Variants in MLX observed in about 807,000 individuals in gnomAD.
The protein encoded by MLX is MAX dimerization protein MLX.
MLX carries 15 observed loss-of-function variants against 33.0 expected under a neutral mutation model. The ratio of observed to expected loss-of-function variants is 0.45; its 90% CI spans 0.30 to 0.70. The LOEUF is 0.70. Among genes scored for constraint, MLX ranks in the 30% least tolerant of loss-of-function variants. MLX has a pLI of 0.07. For synonymous variants in MLX, 115 were observed against 115.6 expected, an observed-to-expected ratio of 0.99 and a Z score of 0.03; for missense variants, 285 against 306.3, an observed-to-expected ratio of 0.93 and a Z score of 0.52.
Position 42,567,937 on chromosome 17 carries a change from A to AGG in MLX, c.79+287_79+288dup. The stretch of plus-strand genomic sequence containing the variant: ...ACGTCCACATGCCCGTTTGTGAGCC[A>AGG]GGGGGGTATCATGCAGGCCTATGGA... On this transcript the variant is annotated intron_variant, in intron 2 of 7. Transcript: ENST00000435881. The AGG allele has an allele frequency of 7.3e-6, 4 of 545,854 alleles. 1 individual carries two copies. The highest frequency in any genetic ancestry group is 1.3e-5 in the Non-Finnish European group (4 of 303,228). 33.8% of individuals were successfully genotyped at this position (545,854 alleles called of 1,614,324 possible). A position where few individuals can be genotyped will look rare whatever the true frequency, so the allele number is the denominator to read the frequency against.
chr17:42,571,740 C>T lies in MLX; in HGVS notation c.*137C>T, dbSNP rs1382691850. On this transcript the variant is annotated 3_prime_UTR_variant, in exon 8 of 8. Coordinates refer to ENST00000435881, the MANE Select transcript of MLX (RefSeq NM_198204.2). Reference sequence around the variant, plus strand: ...GGTTTCTACTTGGTGTTTGGTTTTTCCCAGCCCCATTTTATCTTCAGCGGA... The same window carrying T: ...GGTTTCTACTTGGTGTTTGGTTTTTTCCAGCCCCATTTTATCTTCAGCGGA... 3.7e-6 allele frequency: 3 copies of T among 814,530 alleles called. No individual in the cohort carries two copies. The Admixed American group carries it at 6.4e-5, about 17-fold the overall frequency. 50.5% of individuals were successfully genotyped at this position (814,530 alleles called of 1,614,324 possible). A position where few individuals can be genotyped will look rare whatever the true frequency, so the allele number is the denominator to read the frequency against.
In MLX at chr17:42,568,819, C is replaced by T. The variant is rs376076154; in HGVS notation, c.170-18C>T. 1.9e-6 allele frequency: 3 copies of T among 1,585,666 alleles called. No homozygotes were observed. The highest frequency in any genetic ancestry group is 1.1e-5 in the South Asian group (1 of 88,316). On this transcript the variant is annotated intron_variant, in intron 3 of 7. Transcript: ENST00000435881. ...GGGCCCCAAGATGACCTTTCCCTGCCCCCATCTCTGAGCGTAGATGATGAG... is the reference window on the plus strand; with the variant it reads ...GGGCCCCAAGATGACCTTTCCCTGCTCCCATCTCTGAGCGTAGATGATGAG...
chr17:42,567,445 T>C, intron 1 of MLX, 174 bp from the exon 2 acceptor site: 1 of 1,383,208 alleles, frequency 7.2e-7, no homozygotes, highest in South Asian at 1.4e-5. Context: ...CCTGTGCCAG[T>C]CTCGGGGGAC....
At chr17:42,571,138 CTT>C (rs928314305) in intron 7 of MLX, among the ~76,000 whole-genome samples, 9 of 130,358 alleles carry the variant, frequency 6.9e-5, no homozygotes, top group Admixed American at 2.3e-4. Flanking sequence ...TTCCTGGGGG[CTT>C]TTTTTTTTTT....
At position 42,569,172 on chromosome 17, in the gene MLX, TAAAG is replaced by T. The variant is rs374903240; in HGVS notation, c.277-29_277-26del. The T allele has an allele frequency of 6.9e-6, 11 of 1,596,776 alleles. No individual in the cohort carries two copies. The African/African-American group carries it at 9.4e-5, about 14-fold the overall frequency. ...CCATTTTGCTTTAATCTCTCAGGGT[TAAAG>T]AACCCATTTCCCCTGCTGTTTCCAC... is the stretch of plus-strand genomic sequence containing the variant. On this transcript the variant is annotated intron_variant, in intron 4 of 7. Transcript: ENST00000435881.
chr17:42,570,576 A>T (rs946046679), intron 7 of MLX, among the ~76,000 whole-genome samples: 1 of 152,170 alleles, frequency 6.6e-6, no homozygotes, highest in Non-Finnish European at 1.5e-5. Context: ...TGCTAATGGT[A>T]TTGCACTAAG....
intron 1 of MLX, 46 bp downstream of exon 1, chr17:42,567,212 G>C: frequency 7.6e-7 from 1 of 1,307,464 alleles, no homozygotes; most frequent in Non-Finnish European, 9.8e-7. Context: ...GGCGGGTCGG[G>C]CTCGTGCACG....
intron 7 of MLX, 70 bp downstream of exon 7, chr17:42,570,253 G>C: frequency 2.0e-6 from 3 of 1,504,798 alleles, no homozygotes; most frequent in Non-Finnish European, 2.7e-6. Context: ...CAAGCCATCA[G>C]CTGTTGAGAA....
At position 42,567,600 on chromosome 17, in the gene MLX, C is replaced by T. The variant is rs760112941; in HGVS notation, c.43-19C>T. On this transcript the variant is annotated intron_variant, in intron 1 of 7. Coordinates refer to ENST00000435881, the MANE Select transcript of MLX (RefSeq NM_198204.2). ...AGGGGCGGAGGTCTGACGGGCCCTT[C>T]CCGTGCTCTGTGCCGCAGGTGGAGT... is the stretch of plus-strand genomic sequence containing the variant. 1 of 1,613,992 alleles carries T rather than the reference C, an allele frequency of 6.2e-7. No homozygotes were observed. The highest frequency in any genetic ancestry group is 1.3e-5 in the African/African-American group (1 of 75,040).
At chr17:42,567,225 G>T in intron 1 of MLX, 59 bp downstream of exon 1, 1 of 1,314,104 alleles carries the variant, frequency 7.6e-7, no homozygotes, top group South Asian at 2.5e-5. Flanking sequence ...CGTGCACGTA[G>T]GGGGGCCGGA....
chr17:42,571,224 ACCT>A (rs2143268538), intron 7 of MLX, among the ~76,000 whole-genome samples: 1 of 137,314 alleles, frequency 7.3e-6, no homozygotes, highest in African/African-American at 2.8e-5. Context: ...TGCAACTTCC[ACCT>A]CCTGGGTTCA....
At chr17:42,570,395 A>G (rs2093026007) in intron 7 of MLX, among the ~76,000 whole-genome samples, 1 of 152,110 alleles carries the variant, frequency 6.6e-6, no homozygotes, top group African/African-American at 2.4e-5. Flanking sequence ...ACGTGAGCTC[A>G]ATGTGAAGTC....
Position 42,571,683 on chromosome 17 carries a change from G to T in MLX, c.*80G>T. 5 of 1,343,404 alleles carry T rather than the reference G, an allele frequency of 3.7e-6. No homozygotes were observed. In the East Asian group the frequency reaches 1.1e-4, roughly 31 times the overall value. The allele number at this position is 1,343,404 out of a possible 1,614,324, so 83.2% of individuals were successfully genotyped here. On this transcript the variant is annotated 3_prime_UTR_variant, in exon 8 of 8. Transcript: ENST00000435881. ...GGCCACTGAACTGCTGGGCCCGGGA[G>T]ACTGGACTACAACACCTCACACTGG...
Position 42,572,795 on chromosome 17 carries a change from G to C in MLX, c.*1192G>C, listed in dbSNP as rs1320227848. 1.3e-6 allele frequency: 1 copy of C among 774,542 alleles called. No homozygotes were observed. Among genetic ancestry groups the C allele is most frequent in the Admixed American group, 2.0e-5 (1 of 50,100 alleles). The allele number at this position is 774,542 out of a possible 1,614,324, so 48.0% of individuals were successfully genotyped here. A position where few individuals can be genotyped will look rare whatever the true frequency, so the allele number is the denominator to read the frequency against. On this transcript the variant is annotated 3_prime_UTR_variant, in exon 8 of 8. Coordinates refer to ENST00000435881, the MANE Select transcript of MLX (RefSeq NM_198204.2). ...GGGCTGGGTCTACCCCCAGCCACCA[G>C]CCCTCATCCTCTCTACCCAGTGCTC...
At chr17:42,567,809 A>G in intron 2 of MLX, 154 bp downstream of exon 2, 1 of 940,430 alleles carries the variant, frequency 1.1e-6, no homozygotes, top group South Asian at 1.5e-5. Flanking sequence ...AAGGGCAGAA[A>G]ACAACTGAGG....
At position 42,568,577 on chromosome 17, in the gene MLX, C is replaced by T; in HGVS notation, c.169+18C>T. On this transcript the variant is annotated intron_variant, in intron 3 of 7. Coordinates refer to ENST00000435881, the MANE Select transcript of MLX (RefSeq NM_198204.2). ...CAACACAGGTAGGCAGTAACATCCCCCCCGACCTCGGGGGGCTCAGATATG... is the reference window on the plus strand; with the variant it reads ...CAACACAGGTAGGCAGTAACATCCCTCCCGACCTCGGGGGGCTCAGATATG... The T allele has an allele frequency of 6.2e-7, 1 of 1,605,414 alleles. No individual in the cohort carries two copies. The highest frequency in any genetic ancestry group is 8.5e-7 in the Non-Finnish European group (1 of 1,172,238).
intron 7 of MLX, among the ~76,000 whole-genome samples, 161 bp from the exon 8 acceptor site, chr17:42,571,386 C>G (rs759339468): frequency 1.3e-5 from 2 of 152,156 alleles, no homozygotes; most frequent in Non-Finnish European, 1.5e-5. Context: ...CTTGGCCTCC[C>G]GAAGTGCTGG....
In MLX at chr17:42,570,006, A is replaced by G. The variant is rs779699212; in HGVS notation, c.501A>G (p.Ala167=). 1.9e-6 allele frequency: 3 copies of G among 1,614,038 alleles called. No homozygotes were observed. The South Asian group carries it at 3.3e-5, about 18-fold the overall frequency. Residue 167 remains alanine, a synonymous_variant, in exon 7 of 8, where the codon GCA becomes GCG. Coordinates refer to ENST00000435881, the MANE Select transcript of MLX (RefSeq NM_198204.2). ...GGAACTATGAGCAGATTGTGAAGGC[A>G]CACCAGGACAACCCCCATGAAGGGG... The part of the protein sequence containing the change: ...MKVNYEQIVK[A]HQDNPHEGED...
At chr17:42,567,536 G>A (rs1051169094) in intron 1 of MLX, 83 bp from the exon 2 acceptor site, 14 of 1,595,838 alleles carry the variant, frequency 8.8e-6, no homozygotes, top group African/African-American at 4.0e-5. Flanking sequence ...AATGGGGGGC[G>A]CGCTGTGCGT....
Sources: gnomAD v4.1 joint callset for allele counts (sites outside exome capture counted in the v4.1 genomes callset) on GRCh38, gnomAD v4.1.1 for gene constraint, MANE v1.5 for transcripts, NCBI Gene and HGNC (gene_info 2026-07-23, HGNC 2026-07-21) for gene names.